The following COL11A1 variants were observed in gnomAD, a reference collection of about 807,000 sequenced individuals.
The protein encoded by COL11A1 is collagen alpha-1(XI) chain.
In COL11A1, 74 loss-of-function variants were observed where a neutral mutation model predicts 265.2. The observed-to-expected ratio is 0.28, with a 90% CI of 0.23 to 0.34. The LOEUF (loss-of-function observed/expected upper bound fraction) is 0.34, where lower values mean the gene tolerates loss of function less well. Among genes scored for constraint, COL11A1 ranks in the 10% least tolerant of loss-of-function variants. COL11A1 has a pLI of 1.00. For synonymous variants in COL11A1, 816 were observed against 727.6 expected (o/e 1.12, Z -1.96); for missense variants, 2,165 against 2,263.6 (o/e 0.96, Z 0.88).
intron 1 of COL11A1, among the ~76,000 whole-genome samples, 177 bp downstream of exon 1, chr1:103,107,896 T>C (rs1055279179): frequency 1.3e-5 from 2 of 151,912 alleles, no homozygotes; most frequent in South Asian, 2.1e-4. Flanking sequence ...TACATTCATC[T>C]CTTTCTCCAG....
chr1:102,913,693 A>G lies in COL11A1; in HGVS notation c.3979-3T>C, dbSNP rs138464908. 4.8e-4 allele frequency: 773 copies of G among 1,613,080 alleles called. 3 individuals carry two copies. In the African/African-American group the frequency reaches 6.1e-3, roughly 13 times the overall value. On this transcript the variant is annotated splice_region_variant and splice_polypyrimidine_tract_variant and intron_variant, in intron 52 of 66. Transcript: ENST00000370096. ...TCACCACCAACACCATCTTGACCCT[A>G]TAAGAGGCAATAAAATATGAAGCAA...
intron 41 of COL11A1, among the ~76,000 whole-genome samples, chr1:102,958,237 CT>C (rs1463907387): frequency 6.6e-6 from 1 of 152,008 alleles, no homozygotes; most frequent in Admixed American, 6.6e-5. Context: ...AATACTTCCC[CT>C]TTAATATTTT....
Position 103,031,256 on chromosome 1 carries a change from A to AAAC in COL11A1, c.652-13_652-12insGTT, listed in dbSNP as rs1208704403. The AAAC allele has an allele frequency of 5.0e-6, 8 of 1,600,870 alleles. No individual in the cohort carries two copies. The highest frequency in any genetic ancestry group is 6.8e-6 in the Non-Finnish European group (8 of 1,178,044). ...TGCTGAATGTCCCCCTGGGAAAAAA[A>AAAC]AAAAAACAAAAACAAACAGACACAG... is the stretch of plus-strand genomic sequence containing the variant. On this transcript the variant is annotated splice_polypyrimidine_tract_variant and intron_variant, in intron 4 of 66. Transcript: ENST00000370096.
chr1:102,893,060 G>A (rs1651968105), intron 57 of COL11A1, among the ~76,000 whole-genome samples: 1 of 152,098 alleles, frequency 6.6e-6, no homozygotes, highest in African/African-American at 2.4e-5. Flanking sequence ...CATTACTGGG[G>A]CTTTGCTCTC....
At chr1:103,090,239 A>G (rs952957435) in intron 1 of COL11A1, among the ~76,000 whole-genome samples, 4 of 152,108 alleles carry the variant, frequency 2.6e-5, no homozygotes, top group Non-Finnish European at 4.4e-5. Flanking sequence ...TTCTCAACCC[A>G]TACCTCACAT....
intron 41 of COL11A1, among the ~76,000 whole-genome samples, chr1:102,961,544 A>T (rs1660907286): frequency 2.0e-5 from 3 of 152,344 alleles, no homozygotes; most frequent in Admixed American, 2.0e-4. Flanking sequence ...TAAAAATTTC[A>T]AACTACAGCC....
chr1:103,059,330 C>A (rs952979124), intron 4 of COL11A1, among the ~76,000 whole-genome samples: 1 of 152,088 alleles, frequency 6.6e-6, no homozygotes, highest in Admixed American at 6.6e-5. Context: ...CAGTCCAGGG[C>A]TCAGGCTCAC....
chr1:103,083,746 G>T (rs1672625529), intron 1 of COL11A1, among the ~76,000 whole-genome samples: 1 of 152,074 alleles, frequency 6.6e-6, no homozygotes, highest in Non-Finnish European at 1.5e-5. Context: ...TCACTTCATG[G>T]ATATTACTCC....
At chr1:102,978,605 A>T in intron 35 of COL11A1, 103 bp downstream of exon 35, 1 of 1,199,982 alleles carries the variant, frequency 8.3e-7, no homozygotes, top group Non-Finnish European at 1.2e-6. Flanking sequence ...TTTTGTGGAT[A>T]GACATGCACA....
At chr1:102,927,097 G>T (rs1196007994) in intron 46 of COL11A1, among the ~76,000 whole-genome samples, 3 of 151,852 alleles carry the variant, frequency 2.0e-5, no homozygotes, top group Non-Finnish European at 4.4e-5. Context: ...ATGCACATAA[G>T]ATATTTAATA....
intron 36 of COL11A1, among the ~76,000 whole-genome samples, chr1:102,971,346 C>A (rs1045213358): frequency 6.6e-6 from 1 of 152,130 alleles, no homozygotes; most frequent in Non-Finnish European, 1.5e-5. Context: ...TAGAAAGAAA[C>A]TGCTTCTTTA....
At chr1:103,072,217 T>C (rs1158867041) in intron 4 of COL11A1, among the ~76,000 whole-genome samples, 2 of 151,992 alleles carry the variant, frequency 1.3e-5, no homozygotes, top group Non-Finnish European at 2.9e-5. Flanking sequence ...CATTTAGCTG[T>C]ATAAAGTTGA....
intron 36 of COL11A1, among the ~76,000 whole-genome samples, chr1:102,972,206 A>G (rs1662037125): frequency 6.6e-6 from 1 of 152,158 alleles, no homozygotes; most frequent in Non-Finnish European, 1.5e-5. Context: ...GAAGGATATC[A>G]ATTATGTCTG....
At chr1:103,048,087 G>A (rs1002491189) in intron 4 of COL11A1, among the ~76,000 whole-genome samples, 5 of 152,284 alleles carry the variant, frequency 3.3e-5, no homozygotes, top group African/African-American at 1.2e-4. Context: ...GTCTCTGCCA[G>A]GCTTTGGTAT....
intron 54 of COL11A1, among the ~76,000 whole-genome samples, chr1:102,904,940 A>T (rs1653733459): frequency 6.6e-6 from 1 of 152,152 alleles, no homozygotes; most frequent in East Asian, 1.9e-4. Context: ...TTATAGCGGC[A>T]CTATTCACAA....
intron 42 of COL11A1, among the ~76,000 whole-genome samples, chr1:102,945,310 C>A (rs950408522): frequency 4.0e-5 from 6 of 149,464 alleles, no homozygotes; most frequent in Non-Finnish European, 8.9e-5. Flanking sequence ...CTCCATCTAC[C>A]ATGGGATGAT....
chr1:102,981,402 G>A (rs1267464938), intron 31 of COL11A1, among the ~76,000 whole-genome samples: 1 of 151,186 alleles, frequency 6.6e-6, no homozygotes, highest in Non-Finnish European at 1.5e-5. Context: ...TTTGAGGGGG[G>A]GGACAAATAT....
At chr1:103,026,085 A>C (rs1333653078) in intron 6 of COL11A1, 131 bp downstream of exon 6, 2 of 1,210,492 alleles carry the variant, frequency 1.7e-6, no homozygotes, top group Non-Finnish European at 2.5e-6. Flanking sequence ...TCAAATAAAA[A>C]TCACAGTTAT....
At position 102,946,899 on chromosome 1, in the gene COL11A1, GCCCTGGTAAA is replaced by G. The variant is rs1659348874; in HGVS notation, c.3216_3225del (p.Leu1073AlafsTer122). On this transcript the variant is annotated frameshift_variant, in exon 42 of 67. Coordinates refer to ENST00000370096, the MANE Select transcript of COL11A1 (RefSeq NM_001854.4). LOFTEE classifies it high-confidence loss of function. ...CCAGGAGGACCCTGAGGTCCCGGGC[GCCCTGGTAAA>G]CCAATTGGGCCAGCTGTACCTGCTG... 1 of 1,613,454 alleles carries G rather than the reference GCCCTGGTAAA, an allele frequency of 6.2e-7. No homozygotes were observed. Among genetic ancestry groups the G allele is most frequent in the Admixed American group, 1.7e-5 (1 of 59,884 alleles).
Sources: gnomAD v4.1 joint callset for allele counts (sites outside exome capture counted in the v4.1 genomes callset) on GRCh38, gnomAD v4.1.1 for gene constraint, MANE v1.5 for transcripts, NCBI Gene and HGNC (gene_info 2026-07-23, HGNC 2026-07-21) for gene names.